Variants in SEMA6D observed in about 807,000 individuals in gnomAD.
The protein encoded by SEMA6D is semaphorin-6D.
A neutral mutation model predicts 106.6 loss-of-function variants in SEMA6D; 35 were observed. The observed-to-expected ratio is 0.33, with a 90% CI of 0.25 to 0.44. SEMA6D has a LOEUF of 0.44. Ranked by LOEUF, SEMA6D falls within the 20% of genes least tolerant of loss-of-function variation. SEMA6D has a pLI of 1.00. For missense variants in SEMA6D, 1,185 were observed against 1,345.9 expected (o/e 0.88, Z 1.87); for synonymous variants, 499 against 487.7 (o/e 1.02, Z -0.31).
At chr15:47,650,257 C>CT (rs1412355646) in intron 4 of SEMA6D, among the ~76,000 whole-genome samples, 5 of 152,226 alleles carry the variant, frequency 3.3e-5, no homozygotes, top group African/African-American at 1.2e-4. Flanking sequence ...GGACTGGACA[C>CT]TATCTCATCT....
intron 3 of SEMA6D, among the ~76,000 whole-genome samples, chr15:47,586,961 T>G (rs1245484993): frequency 6.8e-6 from 1 of 147,200 alleles, no homozygotes; most frequent in Non-Finnish European, 1.5e-5. Flanking sequence ...GTGTTTCCAG[T>G]GGGCTGGGAA....
chr15:47,611,707 A>G (rs1173160998), intron 4 of SEMA6D, among the ~76,000 whole-genome samples: 1 of 152,206 alleles, frequency 6.6e-6, no homozygotes, highest in African/African-American at 2.4e-5. Flanking sequence ...ATTAGTGCAA[A>G]TGTCACAGTC....
At position 47,406,309 on chromosome 15, in the gene SEMA6D, A is replaced by G. The variant is rs12437811; in HGVS notation, c.-238-6084A>G. On this transcript the variant is annotated intron_variant, in intron 1 of 19. Coordinates refer to the SEMA6D transcript ENST00000558014. ...GATAATGTTGCCTGAAGAATTTGGAATGGAGGAAAAGGTTCGACTGCTGGT... is the reference window on the plus strand; with the variant it reads ...GATAATGTTGCCTGAAGAATTTGGAGTGGAGGAAAAGGTTCGACTGCTGGT... Among the ~76,000 whole-genome samples, 721 of 152,288 alleles carry G rather than the reference A, an allele frequency of 4.7e-3. 14 individuals carry two copies. Among genetic ancestry groups the G allele is most frequent in the East Asian group, 0.043 (224 of 5,170 alleles).
intron 3 of SEMA6D, among the ~76,000 whole-genome samples, chr15:47,536,578 A>G (rs941570526): frequency 1.3e-5 from 2 of 152,206 alleles, no homozygotes; most frequent in East Asian, 1.9e-4. Context: ...ACAAATCAGT[A>G]ATGATATCCA....
intron 1 of SEMA6D, among the ~76,000 whole-genome samples, chr15:47,200,791 G>C (rs957015786): frequency 5.3e-5 from 8 of 152,186 alleles, no homozygotes; most frequent in Admixed American, 3.3e-4. Flanking sequence ...TTTATAGGTA[G>C]AAAAAGAAAG....
At chr15:47,394,474 G>T (rs2040145029) in intron 1 of SEMA6D, among the ~76,000 whole-genome samples, 1 of 152,086 alleles carries the variant, frequency 6.6e-6, no homozygotes, top group African/African-American at 2.4e-5. Context: ...CGAATTAGTT[G>T]GGGAGAACAG....
chr15:47,398,009 G>A (rs989668407), intron 1 of SEMA6D: 32 of 152,038 alleles, frequency 2.1e-4, no homozygotes, highest in Non-Finnish European at 1.5e-5. Flanking sequence ...AAATTGAAAG[G>A]GTGTCAGCAC....
intron 3 of SEMA6D, among the ~76,000 whole-genome samples, chr15:47,581,958 G>A (rs763277360): frequency 2.0e-5 from 3 of 152,124 alleles, no homozygotes; most frequent in Non-Finnish European, 2.9e-5. Context: ...TTGAACTCTG[G>A]GAAAGAGGAT....
chr15:47,610,770 A>G (rs1373316296), intron 4 of SEMA6D, among the ~76,000 whole-genome samples: 2 of 152,208 alleles, frequency 1.3e-5, no homozygotes, highest in African/African-American at 4.8e-5. Context: ...GTGTTTTTCC[A>G]CAGCTGAAAA....
intron 4 of SEMA6D, among the ~76,000 whole-genome samples, chr15:47,623,092 G>C (rs1020846718): frequency 6.6e-6 from 1 of 152,142 alleles, no homozygotes; most frequent in African/African-American, 2.4e-5. Flanking sequence ...CTGTCTTCAA[G>C]TCAAAATAGT....
chr15:47,558,953 G>A (rs1214019221), intron 3 of SEMA6D, among the ~76,000 whole-genome samples: 14 of 152,024 alleles, frequency 9.2e-5, no homozygotes, highest in Non-Finnish European at 1.5e-5. Context: ...GAGTCTTGGA[G>A]CAGCGATGGG....
intron 1 of SEMA6D, among the ~76,000 whole-genome samples, chr15:47,350,219 G>A (rs976100702): frequency 4.7e-5 from 5 of 106,532 alleles, no homozygotes; most frequent in Admixed American, 4.0e-4. Flanking sequence ...GTCCTTTATT[G>A]TTGTCAAACC....
intron 1 of SEMA6D, among the ~76,000 whole-genome samples, chr15:47,328,426 G>C (rs2037216367): frequency 6.6e-6 from 1 of 152,204 alleles, no homozygotes; most frequent in Non-Finnish European, 1.5e-5. Context: ...CAGTTAACTA[G>C]ACATTACAGA....
intron 3 of SEMA6D, among the ~76,000 whole-genome samples, chr15:47,481,859 G>A (rs1225693236): frequency 1.3e-5 from 2 of 152,158 alleles, no homozygotes; most frequent in African/African-American, 4.8e-5. Context: ...CTGAACATAG[G>A]ATTCCTGAGG....
chr15:47,695,945 A>G (rs187491154), intron 4 of SEMA6D, among the ~76,000 whole-genome samples: 1 of 152,324 alleles, frequency 6.6e-6, no homozygotes, highest in African/African-American at 2.4e-5. Context: ...GTTTTAGTAC[A>G]CATTTAAAAC....
At chr15:47,213,645 T>C (rs1196463427) in intron 1 of SEMA6D, among the ~76,000 whole-genome samples, 1 of 152,224 alleles carries the variant, frequency 6.6e-6, no homozygotes, top group African/African-American at 2.4e-5. Context: ...CATTGGATTT[T>C]ACTAGCCTTA....
At chr15:47,294,845 G>A (rs1338763296) in intron 1 of SEMA6D, among the ~76,000 whole-genome samples, 1 of 152,162 alleles carries the variant, frequency 6.6e-6, no homozygotes, top group African/African-American at 2.4e-5. Context: ...GCCAACAATT[G>A]ACAAAGATGG....
intron 4 of SEMA6D, among the ~76,000 whole-genome samples, chr15:47,660,416 G>A (rs1224675): frequency 0.78 from 118,287 of 152,010 alleles, 46,086 homozygotes; most frequent in East Asian, 0.86. Flanking sequence ...ATAACTATAT[G>A]CAAAAACCTA....
At chr15:47,697,293 AG>A (rs2078720503) in intron 4 of SEMA6D, among the ~76,000 whole-genome samples, 1 of 152,192 alleles carries the variant, frequency 6.6e-6, no homozygotes, top group South Asian at 2.1e-4. Context: ...GTCTGTTCAC[AG>A]GTGTTCATAT....
Sources: gnomAD v4.1 joint callset for allele counts (sites outside exome capture counted in the v4.1 genomes callset) on GRCh38, gnomAD v4.1.1 for gene constraint, MANE v1.5 for transcripts, NCBI Gene and HGNC (gene_info 2026-07-23, HGNC 2026-07-21) for gene names.